The following ZMAT4 variants were observed in gnomAD, a reference collection of about 807,000 sequenced individuals.
The protein encoded by ZMAT4 is zinc finger matrin-type protein 4.
A neutral mutation model predicts 28.7 loss-of-function variants in ZMAT4; 17 were observed. The ratio of observed to expected loss-of-function variants is 0.59; its 90% confidence interval spans 0.41 to 0.89. ZMAT4 has a LOEUF of 0.89. ZMAT4 is among the 40% of genes least tolerant of loss of function. ZMAT4 has a pLI of 0.00. For missense variants in ZMAT4, 240 were observed against 283.8 expected (o/e 0.85, Z 1.11); for synonymous variants, 117 against 109.2 (o/e 1.07, Z -0.44).
intron 5 of ZMAT4, among the ~76,000 whole-genome samples, chr8:40,596,442 C>T (rs548451848): frequency 1.2e-4 from 18 of 152,184 alleles, no homozygotes; most frequent in Non-Finnish European, 2.2e-4. Context: ...ATTTTATTTC[C>T]TTATATTCTT....
chr8:40,683,249 A>G (rs902741852), intron 4 of ZMAT4, among the ~76,000 whole-genome samples: 1 of 152,196 alleles, frequency 6.6e-6, no homozygotes, highest in Non-Finnish European at 1.5e-5. Context: ...GCCGGAATCA[A>G]TGATAGCATC....
intron 1 of ZMAT4, among the ~76,000 whole-genome samples, chr8:40,850,169 T>C (rs998263076): frequency 7.9e-5 from 12 of 152,092 alleles, no homozygotes; most frequent in Non-Finnish European, 1.6e-4. Context: ...CAATCCATTC[T>C]TCATGCGGTC....
intron 1 of ZMAT4, among the ~76,000 whole-genome samples, chr8:40,845,879 G>T (rs955086096): frequency 6.6e-6 from 1 of 151,780 alleles, no homozygotes; most frequent in Non-Finnish European, 1.5e-5. Context: ...AATTAGGAGC[G>T]GCCCCAAAAG....
At chr8:40,777,742 C>T (rs934014424) in intron 2 of ZMAT4, among the ~76,000 whole-genome samples, 4 of 152,188 alleles carry the variant, frequency 2.6e-5, no homozygotes, top group Non-Finnish European at 4.4e-5. Context: ...TGTCCCCACC[C>T]TTATGTGAAT....
intron 5 of ZMAT4, among the ~76,000 whole-genome samples, chr8:40,618,211 T>G (rs552261846): frequency 1.3e-5 from 2 of 152,296 alleles, no homozygotes; most frequent in South Asian, 4.1e-4. Context: ...CTTTAAAATA[T>G]CAGTCCACTT....
intron 1 of ZMAT4, among the ~76,000 whole-genome samples, chr8:40,834,813 C>T (rs990592208): frequency 5.3e-5 from 8 of 152,208 alleles, no homozygotes; most frequent in Non-Finnish European, 1.2e-4. Context: ...TTTGCCTCCA[C>T]CTAACAGGGA....
At chr8:40,532,312 C>T (rs1009164598) in intron 6 of ZMAT4, 74 bp from the exon 7 acceptor site, 7 of 1,332,296 alleles carry the variant, frequency 5.3e-6, no homozygotes, top group Non-Finnish European at 7.2e-6. Context: ...CTCCCCCCCA[C>T]CCCCTGTCTC....
Position 40,613,325 on chromosome 8 carries a change from G to T in ZMAT4, c.578-32064C>A, listed in dbSNP as rs137925237. On this transcript the variant is annotated intron_variant, in intron 5 of 6. Transcript: ENST00000297737. The stretch of plus-strand genomic sequence containing the variant: ...AGTCGTTTGAGTAGCTGGGATTACA[G>T]GTGCCTGCCACCATGCCCGGCTAAT... 5.2e-3 allele frequency among the ~76,000 whole-genome samples: 782 copies of T among 151,098 alleles called. 5 individuals are homozygous for T. Among genetic ancestry groups the T allele is most frequent in the African/African-American group, 0.018 (746 of 41,150 alleles).
chr8:40,790,161 C>T (rs1250355479), intron 2 of ZMAT4, among the ~76,000 whole-genome samples: 1 of 152,110 alleles, frequency 6.6e-6, no homozygotes, highest in Non-Finnish European at 1.5e-5. Context: ...AATAAATACG[C>T]TTTGTTTGTT....
At chr8:40,675,171 C>A (rs1053615128) in intron 4 of ZMAT4, among the ~76,000 whole-genome samples, 3 of 152,156 alleles carry the variant, frequency 2.0e-5, no homozygotes, top group African/African-American at 7.2e-5. Context: ...TCTGATAATT[C>A]AAGAGACCAT....
chr8:40,535,955 G>A (rs185477526), intron 6 of ZMAT4, among the ~76,000 whole-genome samples: 47 of 152,208 alleles, frequency 3.1e-4, no homozygotes, highest in Middle Eastern at 6.8e-3. Flanking sequence ...GAAATGATAC[G>A]GCCAGAGTTT....
chr8:40,537,431 A>G (rs547284588), intron 6 of ZMAT4, among the ~76,000 whole-genome samples: 3 of 152,336 alleles, frequency 2.0e-5, no homozygotes, highest in African/African-American at 7.2e-5. Context: ...AGAAATTGGG[A>G]ACATTCGAAA....
At chr8:40,821,645 C>T (rs992075683) in intron 2 of ZMAT4, among the ~76,000 whole-genome samples, 1 of 152,100 alleles carries the variant, frequency 6.6e-6, no homozygotes, top group African/African-American at 2.4e-5. Flanking sequence ...TTTTGCTCTC[C>T]TACTTTGGAA....
intron 5 of ZMAT4, among the ~76,000 whole-genome samples, chr8:40,639,863 A>C (rs566590872): frequency 1.3e-5 from 2 of 152,106 alleles, no homozygotes; most frequent in Non-Finnish European, 2.9e-5. Flanking sequence ...AGAGAACACA[A>C]AGTGTGGAGA....
At chr8:40,643,649 C>A (rs2599658) in intron 5 of ZMAT4, among the ~76,000 whole-genome samples, 1 of 151,698 alleles carries the variant, frequency 6.6e-6, no homozygotes, top group African/African-American at 2.4e-5. Context: ...TTGTACAGAG[C>A]CCGGTGGAGA....
intron 3 of ZMAT4, among the ~76,000 whole-genome samples, chr8:40,706,352 C>G (rs1218455837): frequency 6.6e-6 from 1 of 152,056 alleles, no homozygotes; most frequent in Non-Finnish European, 1.5e-5. Flanking sequence ...CTGCGCCCAG[C>G]CAGAACTAAT....
chr8:40,551,113 G>A (rs1803357847), intron 6 of ZMAT4, among the ~76,000 whole-genome samples: 2 of 152,078 alleles, frequency 1.3e-5, no homozygotes, highest in Admixed American at 1.3e-4. Context: ...AGAGTGGCTG[G>A]CCTACAATCC....
chr8:40,833,475 G>A (rs1394847102), intron 1 of ZMAT4, among the ~76,000 whole-genome samples: 1 of 148,770 alleles, frequency 6.7e-6, no homozygotes, highest in East Asian at 2.0e-4. Context: ...GGCTGAGGCA[G>A]GAGAATCACT....
chr8:40,770,834 C>A (rs112636264), intron 2 of ZMAT4, among the ~76,000 whole-genome samples: 2 of 152,070 alleles, frequency 1.3e-5, no homozygotes, highest in African/African-American at 4.8e-5. Flanking sequence ...CTTTCTCACC[C>A]CTCTCTCTAA....
Sources: allele counts gnomAD v4.1 joint callset (sites outside exome capture counted in the v4.1 genomes callset), GRCh38; gene constraint gnomAD v4.1.1; transcripts MANE v1.5; gene names NCBI Gene and HGNC (gene_info 2026-07-23, HGNC 2026-07-21).